SCPEP1: variants seen among roughly 807,000 people sequenced by gnomAD.
SCPEP1 encodes the protein retinoid-inducible serine carboxypeptidase.
In SCPEP1, 51 loss-of-function variants were observed where a neutral mutation model predicts 63.8. The ratio of observed to expected loss-of-function variants is 0.80; its 90% CI spans 0.64 to 1.01. SCPEP1 has a LOEUF of 1.01. Among genes scored for constraint, SCPEP1 ranks in the 50% least tolerant of loss-of-function variants. The pLI is 0.00. For synonymous variants in SCPEP1, 204 were observed against 207.8 expected (o/e 0.98, Z 0.16); for missense variants, 499 against 554.9 (o/e 0.90, Z 1.01).
rs532175058 is a variant in SCPEP1, at chr17:56,999,163, C to G, written c.994+665C>G. Among the ~76,000 whole-genome samples, 3 of 152,212 alleles carry G rather than the reference C, an allele frequency of 2.0e-5. No individual in the cohort carries two copies. The East Asian group carries it at 5.8e-4, about 29-fold the overall frequency. ...TAAGATAAAAAAGCTACATCGAAGG[C>G]CACAGTTGGTTGCAGATGAGATTTC... On this transcript the variant is annotated intron_variant, in intron 10 of 12. Transcript: ENST00000262288.
At chr17:56,987,480 T>G (rs1911256871) in intron 3 of SCPEP1, 2 of 358,050 alleles carry the variant, frequency 5.6e-6, no homozygotes, top group South Asian at 5.6e-5. Context: ...TTTTTTTTTT[T>G]GCGGCGGCGG....
Position 57,006,194 on chromosome 17 carries a change from A to T in SCPEP1, c.1318A>T (p.Met440Leu). ...CTAGGTTCCTTCTGACCAAGGGGAC[A>T]TGGCTCTGAAGATGATGAGACTGGT... Reference protein sequence around the residue: ...GHMVPSDQGDMALKMMRLVTQ... With the variant: ...GHMVPSDQGDLALKMMRLVTQ... The change falls in exon 13 of 13, where the codon ATG (methionine) becomes TTG (leucine). Residue 440 changes from methionine to leucine, a missense_variant. Coordinates refer to ENST00000262288, the MANE Select transcript of SCPEP1 (RefSeq NM_021626.3). 1 of 1,611,516 alleles carries T rather than the reference A, an allele frequency of 6.2e-7. No homozygotes were observed. Among genetic ancestry groups the T allele is most frequent in the Non-Finnish European group, 8.5e-7 (1 of 1,178,930 alleles).
At chr17:56,986,036 C>T (rs1351360289) in intron 3 of SCPEP1, among the ~76,000 whole-genome samples, 2 of 152,010 alleles carry the variant, frequency 1.3e-5, no homozygotes, top group Non-Finnish European at 2.9e-5. Context: ...CCCAGGCTGC[C>T]CATGGGCAGA....
Position 56,981,363 on chromosome 17 carries a change from G to C in SCPEP1, c.225+133G>C, listed in dbSNP as rs115709369. On this transcript the variant is annotated intron_variant, in intron 2 of 12. Coordinates refer to ENST00000262288, the MANE Select transcript of SCPEP1 (RefSeq NM_021626.3). ...CAGCAGTGTGACCTGGGGGTTCGGC[G>C]TGCTTCTGAGGTAGGCTGAGGCAAT... is the stretch of plus-strand genomic sequence containing the variant. 3,198 of 917,830 alleles carry C rather than the reference G, an allele frequency of 3.5e-3. 69 individuals carry two copies. In the African/African-American group the frequency reaches 0.046, roughly 13 times the overall value. 56.9% of individuals were successfully genotyped at this position (917,830 alleles called of 1,614,324 possible).
intron 12 of SCPEP1, among the ~76,000 whole-genome samples, chr17:57,005,361 CAA>C (rs1911853502): frequency 6.6e-6 from 1 of 152,206 alleles, no homozygotes; most frequent in Non-Finnish European, 1.5e-5. Flanking sequence ...ACATATAGAA[CAA>C]CAGATCAGTT....
Position 56,994,970 on chromosome 17 carries a change from AT to A in SCPEP1, c.620-8del. On this transcript the variant is annotated splice_polypyrimidine_tract_variant and intron_variant, in intron 6 of 12. Transcript: ENST00000262288. ...GACATACTTGATTTGTACATATGTG[AT>A]TTCCTTTAGATTCGGTGCTCTCCTG... is the stretch of plus-strand genomic sequence containing the variant. 6.2e-7 allele frequency: 1 copy of A among 1,610,850 alleles called. No homozygotes were observed. Among genetic ancestry groups the A allele is most frequent in the Non-Finnish European group, 8.5e-7 (1 of 1,177,100 alleles).
In SCPEP1 at chr17:56,981,081, G is replaced by A; in HGVS notation, c.77-1G>A. 6.2e-7 allele frequency: 1 copy of A among 1,614,134 alleles called. No homozygotes were observed. The highest frequency in any genetic ancestry group is 8.5e-7 in the Non-Finnish European group (1 of 1,179,992). On this transcript the variant is annotated splice_acceptor_variant, in intron 1 of 12. Coordinates refer to ENST00000262288, the MANE Select transcript of SCPEP1 (RefSeq NM_021626.3). LOFTEE classifies it high-confidence loss of function. Reference sequence around the variant, plus strand: ...AGAGTGAAATTGAACTTCTGTTTCAGGAGCTGTCATTGACTGGCCCACAGA... The same window carrying A: ...AGAGTGAAATTGAACTTCTGTTTCAAGAGCTGTCATTGACTGGCCCACAGA...
At chr17:56,979,588 A>G (rs944803593) in intron 1 of SCPEP1, among the ~76,000 whole-genome samples, 2 of 152,204 alleles carry the variant, frequency 1.3e-5, no homozygotes, top group African/African-American at 4.8e-5. Context: ...TTTCTAAAAC[A>G]TATTTTGTGG....
intron 3 of SCPEP1, among the ~76,000 whole-genome samples, chr17:56,986,922 G>A (rs984451127): frequency 6.6e-6 from 1 of 150,608 alleles, no homozygotes; most frequent in African/African-American, 2.4e-5. Context: ...GGCCTTTCCT[G>A]TGCTTGGTTC....
chr17:56,996,014 G>A (rs1484121132), intron 8 of SCPEP1: 1 of 154,272 alleles, frequency 6.5e-6, no homozygotes. Flanking sequence ...GGACTTGGGA[G>A]TGTAGGCCCC....
chr17:56,981,137 G>A lies in SCPEP1; in HGVS notation c.132G>A (p.Thr44=), dbSNP rs781701033. Residue 44 remains threonine, a synonymous_variant, in exon 2 of 13, where the codon ACG becomes ACA. Coordinates refer to ENST00000262288, the MANE Select transcript of SCPEP1 (RefSeq NM_021626.3). ...GCAAGGAAGTATGGGATTATGTGAC[G>A]GTCCGCAAGGATGCCTACATGTTCT... The part of the protein sequence containing the change: ...EEGKEVWDYV[T]VRKDAYMFWW... 3.7e-6 allele frequency: 6 copies of A among 1,614,144 alleles called. No individual in the cohort carries two copies. The highest frequency in any genetic ancestry group is 1.3e-5 in the African/African-American group (1 of 75,024).
intron 6 of SCPEP1, among the ~76,000 whole-genome samples, chr17:56,994,663 A>T (rs1309275431): frequency 6.6e-6 from 1 of 152,224 alleles, no homozygotes; most frequent in Non-Finnish European, 1.5e-5. Context: ...AAGAGCCTCC[A>T]CCTGCATACC....
intron 10 of SCPEP1, among the ~76,000 whole-genome samples, chr17:56,999,577 C>T (rs927008877): frequency 1.3e-5 from 2 of 152,142 alleles, no homozygotes; most frequent in African/African-American, 4.8e-5. Flanking sequence ...GGGACATGGG[C>T]CCTCCTCTCC....
Position 56,991,122 on chromosome 17 carries a change from G to A in SCPEP1, c.570G>A (p.Lys190=), listed in dbSNP as rs1467622198. ...LYKAIQRGTI[K]CNFAGVALGD... Reference sequence around the variant, plus strand: ...AGGCCATTCAGCGAGGGACCATCAAGTGCAACTTTGCGGGGGTTGCCTTGG... The same window carrying A: ...AGGCCATTCAGCGAGGGACCATCAAATGCAACTTTGCGGGGGTTGCCTTGG... The change falls in exon 6 of 13, where the codon AAG becomes AAA. Residue 190 remains lysine, a synonymous_variant. Coordinates refer to ENST00000262288, the MANE Select transcript of SCPEP1 (RefSeq NM_021626.3). 6.2e-7 allele frequency: 1 copy of A among 1,614,088 alleles called. No individual in the cohort carries two copies. Among genetic ancestry groups the A allele is most frequent in the South Asian group, 1.1e-5 (1 of 91,084 alleles).
intron 12 of SCPEP1, 141 bp downstream of exon 12, chr17:57,002,322 G>A (rs12601413): frequency 0.066 from 49,747 of 756,108 alleles, 1,807 homozygotes; most frequent in Middle Eastern, 0.1. Context: ...GCTCATGCCT[G>A]TAATCTCAGC....
rs976096354 is a variant in SCPEP1 at position 56,999,876 on chromosome 17, G to C, written c.995-979G>C. On this transcript the variant is annotated intron_variant, in intron 10 of 12. Transcript: ENST00000262288. ...ACATGCCTGTAATCCCAGCTACTTGGGAGGCTGAGGTGGGGGAATCGCTTG... is the reference window on the plus strand; with the variant it reads ...ACATGCCTGTAATCCCAGCTACTTGCGAGGCTGAGGTGGGGGAATCGCTTG... Among the ~76,000 whole-genome samples the C allele has an allele frequency of 1.8e-4, 27 of 152,296 alleles. No individual in the cohort carries two copies. In the East Asian group the frequency reaches 5.2e-3, roughly 29 times the overall value.
At chr17:57,002,536 C>T (rs768006227) in intron 12 of SCPEP1, among the ~76,000 whole-genome samples, 14 of 152,120 alleles carry the variant, frequency 9.2e-5, no homozygotes, top group African/African-American at 9.7e-5. Flanking sequence ...CGCAACGTGG[C>T]GAAACCCTGT....
intron 10 of SCPEP1, among the ~76,000 whole-genome samples, chr17:57,000,480 A>T (rs1015194347): frequency 1.1e-4 from 17 of 152,110 alleles, no homozygotes. Context: ...CCCTGGTGTT[A>T]CTCAAAAAAA....
At chr17:56,997,131 A>C in intron 9 of SCPEP1, 76 bp downstream of exon 9, 1 of 944,108 alleles carries the variant, frequency 1.1e-6, no homozygotes, top group Non-Finnish European at 1.6e-6. Context: ...TAAAAAAAAA[A>C]AAAACTTTAT....
Sources: gnomAD v4.1 joint callset for allele counts (sites outside exome capture counted in the v4.1 genomes callset) on GRCh38, gnomAD v4.1.1 for gene constraint, MANE v1.5 for transcripts, NCBI Gene and HGNC (gene_info 2026-07-23, HGNC 2026-07-21) for gene names.